HNF1B: variants seen among roughly 807,000 people sequenced by gnomAD.
HNF1B encodes the protein hepatocyte nuclear factor 1-beta.
Under a neutral mutation model 61.7 loss-of-function variants are expected in HNF1B, and 8 were observed. The observed-to-expected ratio is 0.13, with a 90% CI of 0.08 to 0.23. HNF1B has a LOEUF of 0.23. Among genes scored for constraint, HNF1B ranks in the 10% least tolerant of loss-of-function variants. The pLI is 1.00. For missense variants in HNF1B, 562 were observed against 714.5 expected, an observed-to-expected ratio of 0.79 and a Z score of 2.43; for synonymous variants, 314 against 287.7, an observed-to-expected ratio of 1.09 and a Z score of -0.93.
In HNF1B at chr17:37,720,862, C is replaced by T. The variant is rs552005932; in HGVS notation, c.1046-10199G>A. The T allele has an allele frequency of 6.1e-6, 6 of 985,168 alleles. No individual in the cohort carries two copies. In the East Asian group the frequency reaches 4.5e-4, roughly 75 times the overall value. 61.0% of individuals were successfully genotyped at this position (985,168 alleles called of 1,614,324 possible). On this transcript the variant is annotated intron_variant, in intron 4 of 8. Coordinates refer to ENST00000617811, the MANE Select transcript of HNF1B (RefSeq NM_000458.4). ...AGATTGAAGTTTACAGGTAGGGATG[C>T]AAACCCTCTAGTTCCCCTGGCTGTA...
intron 2 of HNF1B, among the ~76,000 whole-genome samples, chr17:37,735,422 A>C (rs1375103114): frequency 6.6e-6 from 1 of 152,234 alleles, no homozygotes; most frequent in Non-Finnish European, 1.5e-5. Context: ...TCCCAACTGC[A>C]GGTGGTGTTG....
chr17:37,699,250 T>C, intron 7 of HNF1B, 56 bp from the exon 8 acceptor site: 1 of 1,319,076 alleles, frequency 7.6e-7, no homozygotes, highest in Non-Finnish European at 1.1e-6. Flanking sequence ...AAGACACAGG[T>C]ACAGAGCCCC....
At chr17:37,724,966 T>C (rs2033450624) in intron 4 of HNF1B, among the ~76,000 whole-genome samples, 1 of 151,902 alleles carries the variant, frequency 6.6e-6, no homozygotes, top group South Asian at 2.1e-4. Flanking sequence ...TATATGTATG[T>C]ATATTTCTCT....
At chr17:37,693,820 C>A (rs899320741) in intron 8 of HNF1B, among the ~76,000 whole-genome samples, 1 of 152,182 alleles carries the variant, frequency 6.6e-6, no homozygotes, top group African/African-American at 2.4e-5. Flanking sequence ...AGCGCCATCC[C>A]CTTGGTGATA....
intron 8 of HNF1B, among the ~76,000 whole-genome samples, chr17:37,695,711 C>T (rs1034414757): frequency 6.6e-6 from 1 of 152,234 alleles, no homozygotes; most frequent in Non-Finnish European, 1.5e-5. Context: ...AATGCCTGCC[C>T]TGTTGGGTTT....
intron 2 of HNF1B, among the ~76,000 whole-genome samples, chr17:37,734,705 A>C (rs1248227662): frequency 6.6e-6 from 1 of 152,136 alleles, no homozygotes; most frequent in Non-Finnish European, 1.5e-5. Flanking sequence ...ATGAATAAAC[A>C]TGGAGGCTAA....
chr17:37,743,977 C>T (rs571026087), intron 1 of HNF1B, among the ~76,000 whole-genome samples: 2 of 152,262 alleles, frequency 1.3e-5, no homozygotes, highest in African/African-American at 2.4e-5. Context: ...AATTCCGGGC[C>T]TTGCATGGGC....
chr17:37,709,824 A>C (rs1165938315), intron 5 of HNF1B, among the ~76,000 whole-genome samples: 3 of 152,186 alleles, frequency 2.0e-5, no homozygotes, highest in South Asian at 2.1e-4. Context: ...TAGATGAGGA[A>C]GAGATCATAA....
intron 4 of HNF1B, among the ~76,000 whole-genome samples, chr17:37,713,910 A>G (rs966499609): frequency 2.0e-5 from 3 of 152,210 alleles, no homozygotes; most frequent in South Asian, 2.1e-4. Flanking sequence ...CAAGGTGTAC[A>G]CCAAAAATAG....
chr17:37,689,825 G>A lies in HNF1B; in HGVS notation c.1654-2433C>T, dbSNP rs144031255. Among the ~76,000 whole-genome samples the A allele has an allele frequency of 2.7e-3, 404 of 152,318 alleles. 1 individual carries two copies. The highest frequency in any genetic ancestry group is 8.8e-3 in the African/African-American group (366 of 41,576). ...AAGCATCACTGCCTCGAGTTCTTACGTCGACCCTTTGAAGTAGGTGATTAT... is the reference window on the plus strand; with the variant it reads ...AAGCATCACTGCCTCGAGTTCTTACATCGACCCTTTGAAGTAGGTGATTAT... On this transcript the variant is annotated intron_variant, in intron 8 of 8. Coordinates refer to ENST00000617811, the MANE Select transcript of HNF1B (RefSeq NM_000458.4).
intron 2 of HNF1B, among the ~76,000 whole-genome samples, chr17:37,738,393 A>G (rs1432537498): frequency 1.3e-5 from 2 of 152,226 alleles, no homozygotes; most frequent in East Asian, 3.8e-4. Flanking sequence ...ATCACTTCAG[A>G]GCAGTGTGTA....
intron 4 of HNF1B, chr17:37,730,310 G>T (rs1379196012): frequency 6.6e-6 from 1 of 152,592 alleles, no homozygotes; most frequent in Non-Finnish European, 1.5e-5. Context: ...TTCCCTAAAG[G>T]GGCGAAGTTA....
chr17:37,738,308 C>A (rs1201309198), intron 2 of HNF1B, among the ~76,000 whole-genome samples: 1 of 152,224 alleles, frequency 6.6e-6, no homozygotes, highest in Non-Finnish European at 1.5e-5. Context: ...AGCACAAACA[C>A]CACAATATGA....
intron 4 of HNF1B, among the ~76,000 whole-genome samples, chr17:37,717,993 G>A (rs1168644743): frequency 6.6e-6 from 1 of 152,136 alleles, no homozygotes; most frequent in East Asian, 1.9e-4. Flanking sequence ...ACCTAACATG[G>A]CTTAGTTAGG....
chr17:37,698,917 T>A (rs545137821), intron 8 of HNF1B, among the ~76,000 whole-genome samples, 159 bp downstream of exon 8: 4 of 152,174 alleles, frequency 2.6e-5, no homozygotes, highest in Admixed American at 2.6e-4. Flanking sequence ...GGCCCTTTTT[T>A]TTTTGCCCTG....
intron 8 of HNF1B, among the ~76,000 whole-genome samples, chr17:37,691,815 C>T (rs74568955): frequency 0.011 from 1,710 of 152,266 alleles, 37 homozygotes; most frequent in African/African-American, 0.039. Context: ...TGCTTCCTCA[C>T]CCAGTGAAGA....
At chr17:37,727,798 T>C (rs980754738) in intron 4 of HNF1B, among the ~76,000 whole-genome samples, 1 of 152,030 alleles carries the variant, frequency 6.6e-6, no homozygotes, top group African/African-American at 2.4e-5. Context: ...TCTTCCTCTC[T>C]AGGAAGAGGG....
chr17:37,735,810 A>G (rs1016296268), intron 2 of HNF1B, among the ~76,000 whole-genome samples: 2 of 152,152 alleles, frequency 1.3e-5, no homozygotes, highest in African/African-American at 4.8e-5. Context: ...CCAGGCTGGA[A>G]TGCAGTAGTA....
rs1379668860 is a variant in HNF1B, at chr17:37,744,730, C to T, written c.155G>A (p.Ser52Asn). 6.2e-7 allele frequency: 1 copy of T among 1,613,470 alleles called. No individual in the cohort carries two copies. The highest frequency in any genetic ancestry group is 8.5e-7 in the Non-Finnish European group (1 of 1,180,036). The change falls in exon 1 of 9, where the codon AGC (serine) becomes AAC (asparagine). Residue 52 changes from serine (S) to asparagine (N), a missense_variant. Physicochemically the swap from Ser to Asn is conservative, Grantham distance 46. This residue lies in a region of HNF1B where 148 missense variants were observed against 147.3 expected (regional missense o/e 1.00). Transcript: ENST00000617811. ...KLETLPLSPG[S>N]GAEPDTKPVF... ...CGGCTTGGTGTCGGGCTCGGCCCCGCTGCCAGGGGACAGGGGCAGCGTCTC... is the reference window on the plus strand; with the variant it reads ...CGGCTTGGTGTCGGGCTCGGCCCCGTTGCCAGGGGACAGGGGCAGCGTCTC...
Sources: allele counts gnomAD v4.1 joint callset (sites outside exome capture counted in the v4.1 genomes callset), GRCh38; gene constraint gnomAD v4.1.1; regional missense constraint gnomAD v4.1.1; transcripts MANE v1.5; gene names NCBI Gene and HGNC (gene_info 2026-07-23, HGNC 2026-07-21).